Variants in PARP11 observed in about 807,000 individuals in gnomAD.
PARP11 encodes poly(ADP-ribose) polymerase family member 11, also known as protein mono-ADP-ribosyltransferase PARP11.
A neutral mutation model predicts 42.9 loss-of-function variants in PARP11; 31 were observed. That is an observed-to-expected ratio of 0.72 (90% CI 0.54 to 0.98). The LOEUF (loss-of-function observed/expected upper bound fraction) is 0.98. Ranked by LOEUF, PARP11 falls within the 50% of genes least tolerant of loss-of-function variation. The probability of loss-of-function intolerance (pLI) is 0.00; values close to 1 mark genes in which losing one functional copy is unlikely to be tolerated. For missense variants in PARP11, 365 were observed against 413.1 expected (o/e 0.88, Z 1.01); for synonymous variants, 137 against 127.3 (o/e 1.08, Z -0.51).
At chr12:3,872,902 G>T in intron 1 of PARP11, 1 of 524,250 alleles carries the variant, frequency 1.9e-6, no homozygotes, top group Non-Finnish European at 2.4e-6. Context: ...CTCCAGCCTG[G>T]ACAACAGTGC....
intron 1 of PARP11, chr12:3,863,916 A>C (rs1449372892): frequency 6.6e-6 from 1 of 152,202 alleles, no homozygotes; most frequent in Non-Finnish European, 1.5e-5. Context: ...AATCTGGACA[A>C]ACTGGTATAG....
At chr12:3,868,611 G>T (rs1948427938) in intron 1 of PARP11, among the ~76,000 whole-genome samples, 1 of 152,142 alleles carries the variant, frequency 6.6e-6, no homozygotes, top group Non-Finnish European at 1.5e-5. Context: ...TCTTCCATAT[G>T]GCTCAGTGAA....
chr12:3,866,319 C>G (rs1203853553), intron 1 of PARP11, among the ~76,000 whole-genome samples: 3 of 152,122 alleles, frequency 2.0e-5, no homozygotes, highest in African/African-American at 7.2e-5. Context: ...GTCTCCTTTG[C>G]ACTTTGACTT....
At chr12:3,866,173 T>G (rs113541971) in intron 1 of PARP11, among the ~76,000 whole-genome samples, 13 of 152,240 alleles carry the variant, frequency 8.5e-5, no homozygotes, top group African/African-American at 2.9e-4. Context: ...CTAAATCCTA[T>G]GCTCTTTTCA....
rs1947141278 is a variant in PARP11, at chr12:3,810,203, G to A, written c.*1920C>T. Reference sequence around the variant, plus strand: ...CTAACTCTCAGCCAAAATTGGGTGAGGATAATAGAGAGAAAATTCAGCATT... The same window carrying A: ...CTAACTCTCAGCCAAAATTGGGTGAAGATAATAGAGAGAAAATTCAGCATT... On this transcript the variant is annotated 3_prime_UTR_variant, in exon 8 of 8. Transcript: ENST00000228820. 1 of 152,182 alleles carries A rather than the reference G, an allele frequency of 6.6e-6. No individual in the cohort carries two copies. Among genetic ancestry groups the A allele is most frequent in the South Asian group, 2.1e-4 (1 of 4,830 alleles). 9.4% of individuals were successfully genotyped at this position (152,182 alleles called of 1,614,324 possible). A position where few individuals can be genotyped will look rare whatever the true frequency, so the allele number is the denominator to read the frequency against.
In PARP11 at chr12:3,840,084, T is replaced by G. The variant is rs1370239669; in HGVS notation, c.19-10066A>C. The G allele has an allele frequency of 8.7e-6, 14 of 1,609,210 alleles. No homozygotes were observed. Among genetic ancestry groups the G allele is most frequent in the Non-Finnish European group, 1.2e-5 (14 of 1,175,568 alleles). On this transcript the variant is annotated intron_variant, in intron 1 of 7. Coordinates refer to ENST00000228820, the MANE Select transcript of PARP11 (RefSeq NM_020367.6). The surrounding 1 kb of genome is among the most constrained non-coding windows in gnomAD (Gnocchi z 4.4). ...CTGCAGTCTATAGAAATGTGGAATATGAAATTTGGCTGGAGTCTAAACAAG... is the reference window on the plus strand; with the variant it reads ...CTGCAGTCTATAGAAATGTGGAATAGGAAATTTGGCTGGAGTCTAAACAAG...
At chr12:3,834,164 G>A (rs1947706722) in intron 1 of PARP11, among the ~76,000 whole-genome samples, 1 of 152,148 alleles carries the variant, frequency 6.6e-6, no homozygotes, top group Non-Finnish European at 1.5e-5. Context: ...CCCACTCTAA[G>A]AATGGAGTGT....
intron 1 of PARP11, among the ~76,000 whole-genome samples, chr12:3,830,539 TG>T (rs1217746984): frequency 6.6e-6 from 1 of 152,208 alleles, no homozygotes; most frequent in African/African-American, 2.4e-5. Flanking sequence ...TGAACGTGCC[TG>T]TATCTGTGTA....
In PARP11 at chr12:3,853,410, C is replaced by T. The variant is rs1317028339; in HGVS notation, c.18+19802G>A. Reference sequence around the variant, plus strand: ...GACCCATCTCACGTGCAGAGACACACACAGGCTCCAAATAAAGGGATGGAG... The same window carrying T: ...GACCCATCTCACGTGCAGAGACACATACAGGCTCCAAATAAAGGGATGGAG... On this transcript the variant is annotated intron_variant, in intron 1 of 7. Transcript: ENST00000228820. Among the ~76,000 whole-genome samples, 24 of 152,272 alleles carry T rather than the reference C, an allele frequency of 1.6e-4. 1 individual carries two copies. The highest frequency in any genetic ancestry group is 3.4e-3 in the Middle Eastern group (1 of 294).
intron 1 of PARP11, among the ~76,000 whole-genome samples, chr12:3,854,184 G>A (rs1477732747): frequency 6.6e-6 from 1 of 152,112 alleles, no homozygotes. Context: ...GAGAAAGCAG[G>A]AAAGATCTAA....
intron 1 of PARP11, among the ~76,000 whole-genome samples, chr12:3,842,979 A>G (rs1947924779): frequency 6.6e-6 from 1 of 152,214 alleles, no homozygotes; most frequent in South Asian, 2.1e-4. Context: ...TTATTATGCA[A>G]TGCCTTAGTC....
intron 6 of PARP11, among the ~76,000 whole-genome samples, chr12:3,820,677 CTTACT>C (rs1405480174): frequency 3.3e-5 from 5 of 152,176 alleles, no homozygotes; most frequent in Non-Finnish European, 5.9e-5. Context: ...TTCAGAAAAA[CTTACT>C]TTATTCACTG....
intron 1 of PARP11, among the ~76,000 whole-genome samples, chr12:3,833,189 C>T (rs1373025903): frequency 2.0e-5 from 3 of 152,212 alleles, no homozygotes; most frequent in Non-Finnish European, 4.4e-5. Context: ...GTAATAACAA[C>T]TTCCTTGCCT....
intron 1 of PARP11, among the ~76,000 whole-genome samples, chr12:3,852,027 C>T (rs527732837): frequency 5.3e-4 from 80 of 152,190 alleles, no homozygotes; most frequent in Non-Finnish European, 1.0e-3. Flanking sequence ...CTCCAACAGA[C>T]GTGCAGCAGA....
intron 6 of PARP11, chr12:3,814,914 C>A: frequency 1.4e-5 from 4 of 295,162 alleles, no homozygotes; most frequent in East Asian, 8.8e-5. Context: ...AGATAGAGAA[C>A]TCAAAATAAT....
rs1054877735 is a variant in PARP11 at position 3,811,587 on chromosome 12, T to G, written c.*536A>C. On this transcript the variant is annotated 3_prime_UTR_variant, in exon 8 of 8. Transcript: ENST00000228820. Reference sequence around the variant, plus strand: ...GACAGCACTGCAAATAATTGTCTTGTTTCTGATTTCTCTCAAGGTGCTCAG... The same window carrying G: ...GACAGCACTGCAAATAATTGTCTTGGTTCTGATTTCTCTCAAGGTGCTCAG... 6.6e-6 allele frequency: 1 copy of G among 152,316 alleles called. No individual in the cohort carries two copies. The highest frequency in any genetic ancestry group is 2.4e-5 in the African/African-American group (1 of 41,464). The allele number at this position is 152,316 out of a possible 1,614,324, so 9.4% of individuals were successfully genotyped here.
chr12:3,841,682 T>C, intron 1 of PARP11: 3 of 1,613,510 alleles, frequency 1.9e-6, no homozygotes, highest in Non-Finnish European at 2.5e-6. Context: ...AAGAATATGT[T>C]CCCCCAGCCA....
intron 6 of PARP11, 61 bp downstream of exon 6, chr12:3,821,812 T>C: frequency 1.3e-6 from 2 of 1,511,492 alleles, no homozygotes; most frequent in East Asian, 4.5e-5. Context: ...ATTCAATATT[T>C]ATGTTTTAAC....
At chr12:3,841,098 G>C in intron 1 of PARP11, 2 of 1,609,464 alleles carry the variant, frequency 1.2e-6, no homozygotes, top group South Asian at 2.2e-5. Context: ...CAGTTCCTGT[G>C]TCAATACAGG....
Sources: gnomAD v4.1 joint callset for allele counts (sites outside exome capture counted in the v4.1 genomes callset) on GRCh38, gnomAD v4.1.1 for gene constraint, Gnocchi (gnomAD v3.1) non-coding constraint, MANE v1.5 for transcripts, NCBI Gene and HGNC (gene_info 2026-07-23, HGNC 2026-07-21) for gene names.